The following RP1 variants were observed in gnomAD, a reference collection of about 807,000 sequenced individuals.
The protein encoded by RP1 is RP1 axonemal microtubule associated.
RP1 carries 16 observed loss-of-function variants against 14.8 expected under a neutral mutation model. The observed-to-expected ratio is 1.08, with a 90% CI of 0.73 to 1.65. RP1 has a LOEUF of 1.65. Among genes scored for constraint, RP1 ranks in the 40% most tolerant of loss-of-function variants. RP1 has a pLI of 0.00. For synonymous variants in RP1, 876 were observed against 883.6 expected (o/e 0.99, Z 0.15); for missense variants, 2,631 against 2,535.0 (o/e 1.04, Z -0.81).
chr8:54,682,524 A>C (rs1807459507), intron 12 of RP1, among the ~76,000 whole-genome samples: 1 of 152,146 alleles, frequency 6.6e-6, no homozygotes, highest in Non-Finnish European at 1.5e-5. Context: ...ACATATGTTT[A>C]TTGCAGCACT....
At chr8:54,653,057 C>A (rs1268443070) in intron 5 of RP1, among the ~76,000 whole-genome samples, 2 of 152,076 alleles carry the variant, frequency 1.3e-5, no homozygotes, top group African/African-American at 4.8e-5. Context: ...GGCACCTTAA[C>A]CAAGCAATTC....
chr8:54,590,584 C>T (rs998934706), intron 1 of RP1, among the ~76,000 whole-genome samples: 3 of 152,182 alleles, frequency 2.0e-5, no homozygotes, highest in African/African-American at 7.2e-5. Flanking sequence ...AAGCTCTCCT[C>T]CTCTACAAGA....
chr8:54,651,642 C>T (rs1032747494), intron 4 of RP1, among the ~76,000 whole-genome samples: 1 of 152,060 alleles, frequency 6.6e-6, no homozygotes, highest in Non-Finnish European at 1.5e-5. Flanking sequence ...TAGCAATTCT[C>T]TTTGCTAACA....
At chr8:54,658,884 G>GTTT (rs34788930) in intron 6 of RP1, among the ~76,000 whole-genome samples, 33 of 145,694 alleles carry the variant, frequency 2.3e-4, no homozygotes, top group African/African-American at 7.7e-4. Flanking sequence ...CCCAACACTT[G>GTTT]TTTTTTTTTT....
chr8:54,809,709 T>C (rs1246823858), intron 24 of RP1, among the ~76,000 whole-genome samples: 57 of 152,230 alleles, frequency 3.7e-4, no homozygotes, highest in Non-Finnish European at 8.8e-5. Flanking sequence ...TTTTGCAACA[T>C]ACTTTGATCC....
intron 18 of RP1, among the ~76,000 whole-genome samples, chr8:54,738,078 T>C (rs1430423093): frequency 6.6e-6 from 1 of 152,216 alleles, no homozygotes; most frequent in East Asian, 1.9e-4. Context: ...CTAGTCTGTA[T>C]ATTTCTCCAA....
chr8:54,668,345 A>G (rs552547510), intron 7 of RP1, among the ~76,000 whole-genome samples: 1 of 152,326 alleles, frequency 6.6e-6, no homozygotes, highest in African/African-American at 2.4e-5. Flanking sequence ...TTCAAGAAGA[A>G]CTACAAACCA....
rs1355771102 is a variant in RP1, at chr8:54,869,989, TG to T, written c.*48del. ...GCTCCAATATGCTTCAAAAGGCTAT[TG>T]ATCTGATTGTGATAGTGCATTTGTC... On this transcript the variant is annotated 3_prime_UTR_variant, in exon 29 of 29. Coordinates refer to the RP1 transcript ENST00000637698. 4.6e-6 allele frequency: 4 copies of T among 872,502 alleles called. No homozygotes were observed. The African/African-American group carries it at 7.0e-5, about 15-fold the overall frequency. 54.0% of individuals were successfully genotyped at this position (872,502 alleles called of 1,614,324 possible).
At chr8:54,841,249 A>G (rs1811783112) in intron 25 of RP1, among the ~76,000 whole-genome samples, 1 of 152,176 alleles carries the variant, frequency 6.6e-6, no homozygotes, top group African/African-American at 2.4e-5. Flanking sequence ...ATATTTTGGG[A>G]TTGTCTGTCC....
At chr8:54,610,025 C>T (rs1313243497) in intron 1 of RP1, among the ~76,000 whole-genome samples, 1 of 152,174 alleles carries the variant, frequency 6.6e-6, no homozygotes, top group African/African-American at 2.4e-5. Flanking sequence ...AATTTATCTC[C>T]ACGTGCTGAC....
chr8:54,768,418 G>T (rs1441557305), intron 22 of RP1, among the ~76,000 whole-genome samples: 2 of 152,028 alleles, frequency 1.3e-5, no homozygotes, highest in Admixed American at 1.3e-4. Flanking sequence ...AGCTCCTCAG[G>T]TCACGTTTCT....
At chr8:54,668,451 C>A (rs1466514718) in intron 7 of RP1, among the ~76,000 whole-genome samples, 1 of 152,074 alleles carries the variant, frequency 6.6e-6, no homozygotes, top group Non-Finnish European at 1.5e-5. Flanking sequence ...CCATACTGCC[C>A]AAGGTAATTT....
At position 54,630,418 on chromosome 8, in the gene RP1, C is replaced by T. The variant is rs745753792; in HGVS notation, c.*65C>T. 6.3e-5 allele frequency: 100 copies of T among 1,596,084 alleles called. No individual in the cohort carries two copies. Among genetic ancestry groups the T allele is most frequent in the South Asian group, 1.9e-4 (17 of 88,592 alleles). On this transcript the variant is annotated 3_prime_UTR_variant, in exon 4 of 4. Coordinates refer to ENST00000220676, the MANE Select transcript of RP1 (RefSeq NM_006269.2). ...TTCCCATGAGATGAAGCACATGTGA[C>T]GAATACGGACTAGATAACCTCTAAG... is the stretch of plus-strand genomic sequence containing the variant.
chr8:54,764,084 G>A (rs917304196), intron 22 of RP1, among the ~76,000 whole-genome samples: 1 of 152,174 alleles, frequency 6.6e-6, no homozygotes, highest in African/African-American at 2.4e-5. Context: ...ACGGTCCTCA[G>A]CACCTTCTTA....
At chr8:54,666,069 T>C (rs1189129681) in intron 7 of RP1, among the ~76,000 whole-genome samples, 1 of 152,012 alleles carries the variant, frequency 6.6e-6, no homozygotes, top group African/African-American at 2.4e-5. Context: ...TAGAGGCCAG[T>C]CCCTCAGGTA....
chr8:54,774,899 A>C (rs1368233660), downstream of RP1, among the ~76,000 whole-genome samples: 1 of 152,154 alleles, frequency 6.6e-6, no homozygotes, highest in African/African-American at 2.4e-5. Context: ...GACTTACTCA[A>C]TCAGAGTATG....
rs376833923 is a variant in RP1, at chr8:54,601,364, T to C, written c.-12-19591T>C. On this transcript the variant is annotated intron_variant, in intron 1 of 22. Transcript: ENST00000636932. ...GCATATTCTCACTCATAGGTGGGAA[T>C]TGAACAATGGGAACACATGGACACA... Among the ~76,000 whole-genome samples, 11 of 148,928 alleles carry C rather than the reference T, an allele frequency of 7.4e-5. No individual in the cohort carries two copies. The South Asian group carries it at 2.1e-3, about 29-fold the overall frequency.
At chr8:54,577,827 C>T (rs1373367283) in intron 1 of RP1, among the ~76,000 whole-genome samples, 4 of 152,210 alleles carry the variant, frequency 2.6e-5, no homozygotes, top group African/African-American at 7.2e-5. Context: ...CATTGTTAAA[C>T]TGCACTTCAC....
chr8:54,658,355 T>C (rs1323308303), intron 6 of RP1, among the ~76,000 whole-genome samples: 2 of 149,370 alleles, frequency 1.3e-5, no homozygotes, highest in African/African-American at 2.6e-5. Flanking sequence ...ATCGAGACCA[T>C]CCCGGCTAAA....
Sources: allele counts gnomAD v4.1 joint callset (sites outside exome capture counted in the v4.1 genomes callset), GRCh38; gene constraint gnomAD v4.1.1; transcripts MANE v1.5; gene names NCBI Gene and HGNC (gene_info 2026-07-23, HGNC 2026-07-21).